PDC: variants seen among roughly 807,000 people sequenced by gnomAD.
The protein encoded by PDC is phosducin, also known as 33 kDa phototransducing protein.
In PDC, 19 loss-of-function variants were observed where a neutral mutation model predicts 22.2. That is an observed-to-expected ratio of 0.86 (90% CI 0.60 to 1.26). The LOEUF is 1.26. PDC is among the 50% of genes most tolerant of loss of function. The probability of loss-of-function intolerance (pLI) is 0.00; values close to 1 mark genes in which losing one functional copy is unlikely to be tolerated. For synonymous variants in PDC, 97 were observed against 96.2 expected (o/e 1.01, Z -0.05); for missense variants, 274 against 286.8 (o/e 0.96, Z 0.32).
chr1:186,444,219 A>G lies in PDC; in HGVS notation c.501T>C (p.Phe167=). Residue 167 remains phenylalanine (F), a synonymous_variant, in exon 4 of 4, where the codon TTT becomes TTC. Transcript: ENST00000391997. The part of the protein sequence containing the change: ...CLAAEYPIVK[F]CKIKASNTGA... ...CTGTATTCGAAGCTTTTATTTTACA[A>G]AACTTAACTATAGGGTATTCTGCTG... 1 of 1,614,054 alleles carries G rather than the reference A, an allele frequency of 6.2e-7. No homozygotes were observed. The highest frequency in any genetic ancestry group is 8.5e-7 in the Non-Finnish European group (1 of 1,179,952).
At chr1:186,451,443 G>A (rs373457092) in intron 1 of PDC, among the ~76,000 whole-genome samples, 3 of 151,928 alleles carry the variant, frequency 2.0e-5, no homozygotes, top group Non-Finnish European at 2.9e-5. Flanking sequence ...TTTTTACTTC[G>A]AAAGAAAACT....
At chr1:186,448,003 T>G (rs945537784) in intron 2 of PDC, among the ~76,000 whole-genome samples, 3 of 152,192 alleles carry the variant, frequency 2.0e-5, no homozygotes, top group Non-Finnish European at 2.9e-5. Context: ...ATTTAGAAAA[T>G]TGAGGCATGG....
chr1:186,445,543 G>A (rs1662208126), intron 3 of PDC, among the ~76,000 whole-genome samples: 1 of 152,044 alleles, frequency 6.6e-6, no homozygotes, highest in African/African-American at 2.4e-5. Flanking sequence ...CCCGGGATGG[G>A]TATGGGAGCT....
chr1:186,444,475 T>G lies in PDC; in HGVS notation c.245A>C (p.Lys82Thr). 1.9e-6 allele frequency: 3 copies of G among 1,604,688 alleles called. No homozygotes were observed. The highest frequency in any genetic ancestry group is 1.7e-6 in the Non-Finnish European group (2 of 1,172,056). ...AAGGCAGTTTTCATCCTCTTTCTCT[T>G]TATGGATTAGTTCATATTCTTGAAT... ...MSIQEYELIH[K>T]EKEDENCLRK... Residue 82 changes from lysine to threonine, a missense_variant, in exon 4 of 4, where the codon AAA becomes ACA. Lys to Thr is a moderately conservative substitution (Grantham distance 78). Transcript: ENST00000391997.
chr1:186,443,826 A>G lies in PDC; in HGVS notation c.*153T>C. 1.6e-6 allele frequency: 1 copy of G among 620,604 alleles called. No homozygotes were observed. Among genetic ancestry groups the G allele is most frequent in the South Asian group, 2.0e-5 (1 of 48,990 alleles). The allele number at this position is 620,604 out of a possible 1,614,324, so 38.4% of individuals were successfully genotyped here. ...GTATCAATTTGAGTAACTAATACTA[A>G]GAAATGCTAATAACTCGATTGTTGC... On this transcript the variant is annotated 3_prime_UTR_variant, in exon 4 of 4. Coordinates refer to ENST00000391997, the MANE Select transcript of PDC (RefSeq NM_002597.5).
At chr1:186,452,127 A>G (rs1481933017) in intron 1 of PDC, among the ~76,000 whole-genome samples, 1 of 152,174 alleles carries the variant, frequency 6.6e-6, no homozygotes, top group Non-Finnish European at 1.5e-5. Flanking sequence ...CCATTAATAG[A>G]TTTCATCTAC....
At chr1:186,446,755 A>G (rs188608760) in intron 2 of PDC, among the ~76,000 whole-genome samples, 178 bp from the exon 3 acceptor site, 3 of 152,340 alleles carry the variant, frequency 2.0e-5, no homozygotes, top group Middle Eastern at 3.4e-3. Flanking sequence ...ATGCTCCCAC[A>G]TTAATCTTGT....
At chr1:186,457,399 CAATT>C (rs1412013775) in intron 1 of PDC, among the ~76,000 whole-genome samples, 1 of 152,050 alleles carries the variant, frequency 6.6e-6, no homozygotes, top group African/African-American at 2.4e-5. Context: ...TGCCTCATAA[CAATT>C]AATTTCTTGA....
chr1:186,444,001 A>G lies in PDC; in HGVS notation c.719T>C (p.Ile240Thr). Residue 240 changes from isoleucine to threonine, a missense_variant, in exon 4 of 4, where the codon ATA becomes ACA. Ile to Thr is a moderately conservative substitution (Grantham distance 89). Transcript: ENST00000391997. ...REVHVLEHTKIEEEDVE is the reference protein window; with the variant it reads ...REVHVLEHTKTEEEDVE ...TCTTCATTCAACATCTTCTTCTTCT[A>G]TTTTGGTATGCTCTAGGACATGTAC... is the stretch of plus-strand genomic sequence containing the variant. 1 of 1,606,812 alleles carries G rather than the reference A, an allele frequency of 6.2e-7. No homozygotes were observed.
At chr1:186,444,588 G>A in intron 3 of PDC, 82 bp from the exon 4 acceptor site, 1 of 885,320 alleles carries the variant, frequency 1.1e-6, no homozygotes, top group Non-Finnish European at 1.7e-6. Context: ...AACCGAAGGA[G>A]TGTACTTTTG....
At chr1:186,449,314 A>C (rs752724282) in intron 2 of PDC, 85 bp downstream of exon 2, 9 of 692,778 alleles carry the variant, frequency 1.3e-5, no homozygotes, top group Non-Finnish European at 2.2e-5. Flanking sequence ...CTTAAAGTAC[A>C]TACTGAATAG....
At chr1:186,459,752 G>GTGTATATATATATATATATATATA (rs1299957095) in intron 1 of PDC, among the ~76,000 whole-genome samples, 2 of 112,082 alleles carry the variant, frequency 1.8e-5, no homozygotes, top group South Asian at 3.0e-4. Context: ...GTGTGTGTGT[G>GTGTATATATATATATATATATATA]TATATATATA....
At position 186,449,427 on chromosome 1, in the gene PDC, T is replaced by G. The variant is rs369506577; in HGVS notation, c.33A>C (p.Glu11Asp). MEEAKSQSLE[E>D]DFEGQATHTG... ...TATGTGTGGCCTGTCCTTCAAAGTCTTCCTCCAAACTTTGGCTTTTGGCTT... is the reference window on the plus strand; with the variant it reads ...TATGTGTGGCCTGTCCTTCAAAGTCGTCCTCCAAACTTTGGCTTTTGGCTT... The change falls in exon 2 of 4, where the codon GAA (glutamate) becomes GAC (aspartate). Residue 11 changes from glutamate to aspartate, a missense_variant. Coordinates refer to ENST00000391997, the MANE Select transcript of PDC (RefSeq NM_002597.5). 1.9e-6 allele frequency: 3 copies of G among 1,607,808 alleles called. No individual in the cohort carries two copies. The highest frequency in any genetic ancestry group is 1.7e-6 in the Non-Finnish European group (2 of 1,175,554).
intron 2 of PDC, among the ~76,000 whole-genome samples, chr1:186,447,735 A>T (rs1237209682): frequency 2.0e-5 from 3 of 151,878 alleles, no homozygotes; most frequent in Non-Finnish European, 4.4e-5. Context: ...TAAATTTGTT[A>T]TGAATGTGTT....
chr1:186,456,300 T>C (rs1422459512), intron 1 of PDC, among the ~76,000 whole-genome samples: 1 of 151,974 alleles, frequency 6.6e-6, no homozygotes, highest in Non-Finnish European at 1.5e-5. Context: ...GAAAAAATAT[T>C]TTTAGCATTT....
In PDC at chr1:186,444,188, C is replaced by T. The variant is rs777488822; in HGVS notation, c.532G>A (p.Gly178Arg). ...CKIKASNTGA[G>R]DRFSLDVLPT... ...AGTACATCTAAGGAAAAGCGGTCCC[C>T]AGCACCTGTATTCGAAGCTTTTATT... The change falls in exon 4 of 4, where the codon GGG becomes AGG. Residue 178 changes from glycine to arginine, a missense_variant. Physicochemically the swap from Gly to Arg is moderately radical, Grantham distance 125 (BLOSUM62 -2). Transcript: ENST00000391997. 20 of 1,613,770 alleles carry T rather than the reference C, an allele frequency of 1.2e-5. No individual in the cohort carries two copies. The highest frequency in any genetic ancestry group is 1.6e-5 in the Non-Finnish European group (19 of 1,179,818).
chr1:186,456,605 T>A (rs1156811478), intron 1 of PDC, among the ~76,000 whole-genome samples: 1 of 152,138 alleles, frequency 6.6e-6, no homozygotes, highest in Non-Finnish European at 1.5e-5. Context: ...CAGTGTAAAA[T>A]TTTCAGAGTA....
In PDC at chr1:186,454,921, T is replaced by C. The variant is rs547507477; in HGVS notation, c.-24-5438A>G. Among the ~76,000 whole-genome samples the C allele has an allele frequency of 3.9e-5, 6 of 152,370 alleles. No individual in the cohort carries two copies. The East Asian group carries it at 1.2e-3, about 29-fold the overall frequency. ...AAGTCTATTTGTTTCTTAAGCTTTT[T>C]ATGATCTAGCCCAAGTTTTGTATAA... is the stretch of plus-strand genomic sequence containing the variant. On this transcript the variant is annotated intron_variant, in intron 1 of 3. Transcript: ENST00000391997.
Position 186,447,112 on chromosome 1 carries a change from T to C in PDC, c.62-535A>G, listed in dbSNP as rs191725041. Among the ~76,000 whole-genome samples, 313 of 152,118 alleles carry C rather than the reference T, an allele frequency of 2.1e-3. 1 individual carries two copies. The highest frequency in any genetic ancestry group is 7.1e-3 in the African/African-American group (295 of 41,516). The stretch of plus-strand genomic sequence containing the variant: ...AGAACATCCCATTCTTCTAAGATTC[T>C]AGGCATATTTTGCAAACATAGAAAG... On this transcript the variant is annotated intron_variant, in intron 2 of 3. Transcript: ENST00000391997.
Sources: gnomAD v4.1 joint callset for allele counts (sites outside exome capture counted in the v4.1 genomes callset) on GRCh38, gnomAD v4.1.1 for gene constraint, MANE v1.5 for transcripts, NCBI Gene and HGNC (gene_info 2026-07-23, HGNC 2026-07-21) for gene names.